SLC5A1: variants seen among roughly 807,000 people sequenced by gnomAD.
SLC5A1 encodes sodium/glucose cotransporter 1.
SLC5A1 carries 42 observed loss-of-function variants against 73.5 expected under a neutral mutation model. The ratio of observed to expected loss-of-function variants is 0.57; its 90% CI spans 0.45 to 0.74. The LOEUF (loss-of-function observed/expected upper bound fraction) is 0.74, where lower values mean the gene tolerates loss of function less well. Ranked by LOEUF, SLC5A1 falls within the 30% of genes least tolerant of loss-of-function variation. The pLI is 0.00. For synonymous variants in SLC5A1, 300 were observed against 317.4 expected (o/e 0.95, Z 0.58); for missense variants, 634 against 855.4 (o/e 0.74, Z 3.23).
intron 5 of SLC5A1, among the ~76,000 whole-genome samples, chr22:32,073,767 C>T (rs2093986468): frequency 6.6e-6 from 1 of 152,140 alleles, no homozygotes; most frequent in African/African-American, 2.4e-5. Flanking sequence ...CCATGTTGGC[C>T]AAGCTGGTCT....
At chr22:32,065,365 C>T (rs931016439) in intron 2 of SLC5A1, among the ~76,000 whole-genome samples, 11 of 152,110 alleles carry the variant, frequency 7.2e-5, no homozygotes, top group Non-Finnish European at 1.3e-4. Flanking sequence ...GAATGCTATT[C>T]CTGTGGTCTC....
chr22:32,046,537 C>A (rs1471737989), intron 1 of SLC5A1, among the ~76,000 whole-genome samples: 1 of 152,186 alleles, frequency 6.6e-6, no homozygotes, highest in African/African-American at 2.4e-5. Flanking sequence ...TGGCTCTGGG[C>A]TCAGACGCGA....
intron 2 of SLC5A1, among the ~76,000 whole-genome samples, chr22:32,058,685 C>A (rs2093955689): frequency 6.6e-6 from 1 of 152,134 alleles, no homozygotes; most frequent in Non-Finnish European, 1.5e-5. Context: ...TTGCCAACAC[C>A]AAGTATTTAA....
Position 32,084,760 on chromosome 22 carries a change from G to A in SLC5A1, c.885+101G>A, listed in dbSNP as rs1463539567. ...GCAGGGTTGGGACAGGGAGGGGAGA[G>A]CTCAGGTGGTTTGTAAGTTGCCACG... On this transcript the variant is annotated intron_variant, in intron 8 of 14. Coordinates refer to ENST00000266088, the MANE Select transcript of SLC5A1 (RefSeq NM_000343.4). The A allele has an allele frequency of 3.3e-6, 5 of 1,497,684 alleles. No homozygotes were observed. The South Asian group carries it at 3.4e-5, about 10-fold the overall frequency. The allele number at this position is 1,497,684 out of a possible 1,614,324, so 92.8% of individuals were successfully genotyped here.
At chr22:32,093,661 GCAGAGC>G (rs2094021833) in intron 11 of SLC5A1, among the ~76,000 whole-genome samples, 1 of 151,688 alleles carries the variant, frequency 6.6e-6, no homozygotes, top group African/African-American at 2.4e-5. Context: ...TGTTGATGTA[GCAGAGC>G]TACTGATTTG....
chr22:32,084,076 C>T (rs2094004180), intron 7 of SLC5A1, among the ~76,000 whole-genome samples: 1 of 152,196 alleles, frequency 6.6e-6, no homozygotes, highest in Non-Finnish European at 1.5e-5. Context: ...GCTCCAAAGG[C>T]CATGGCTGAC....
At chr22:32,085,770 T>C (rs912601567) in intron 9 of SLC5A1, among the ~76,000 whole-genome samples, 1 of 151,964 alleles carries the variant, frequency 6.6e-6, no homozygotes, top group Admixed American at 6.6e-5. Context: ...CACCAAAGGG[T>C]TCTGTGGAGA....
chr22:32,081,823 C>A, intron 5 of SLC5A1, 43 bp from the exon 6 acceptor site: 2 of 1,294,288 alleles, frequency 1.5e-6, no homozygotes, highest in Non-Finnish European at 1.1e-6. Flanking sequence ...CTGTAGGCAG[C>A]TGACCACTCT....
At chr22:32,065,012 T>C (rs972788853) in intron 2 of SLC5A1, among the ~76,000 whole-genome samples, 44 of 152,194 alleles carry the variant, frequency 2.9e-4, no homozygotes, top group African/African-American at 1.1e-3. Context: ...GGCACGATCA[T>C]AGTTCATTGA....
At chr22:32,060,014 TACACAC>T (rs58053068) in intron 2 of SLC5A1, among the ~76,000 whole-genome samples, 3,415 of 137,600 alleles carry the variant, frequency 0.025, 69 homozygotes, top group Admixed American at 0.059. Flanking sequence ...GCCATGGTTA[TACACAC>T]ACACACACAC....
chr22:32,044,194 C>T (rs755057687), intron 1 of SLC5A1, among the ~76,000 whole-genome samples: 14 of 152,036 alleles, frequency 9.2e-5, no homozygotes, highest in Non-Finnish European at 1.3e-4. Flanking sequence ...TGTGCAGGAC[C>T]GACTGTGGTG....
Position 32,111,998 on chromosome 22 carries a change from A to G in SLC5A1, c.*1785A>G, listed in dbSNP as rs2094057994. On this transcript the variant is annotated 3_prime_UTR_variant, in exon 15 of 15. Transcript: ENST00000266088. ...CCTATCAGTTTTTGGTCAGGAGAAG[A>G]TATCCACCTAGACCAACCTGAGGAG... The G allele has an allele frequency of 6.6e-6, 1 of 152,164 alleles. No homozygotes were observed. Among genetic ancestry groups the G allele is most frequent in the Non-Finnish European group, 1.5e-5 (1 of 68,044 alleles). The allele number at this position is 152,164 out of a possible 1,614,324, so 9.4% of individuals were successfully genotyped here.
At chr22:32,056,550 C>G (rs1307973310) in intron 2 of SLC5A1, among the ~76,000 whole-genome samples, 1 of 148,224 alleles carries the variant, frequency 6.7e-6, no homozygotes, top group Non-Finnish European at 1.5e-5. Flanking sequence ...TCAAGATAGG[C>G]AGACTTAACT....
intron 13 of SLC5A1, among the ~76,000 whole-genome samples, chr22:32,104,122 TCAAA>T (rs1187902315): frequency 2.6e-5 from 4 of 152,200 alleles, no homozygotes; most frequent in African/African-American, 9.7e-5. Flanking sequence ...AAACCTAACG[TCAAA>T]CAAAGACTGC....
intron 14 of SLC5A1, among the ~76,000 whole-genome samples, chr22:32,108,231 C>T (rs547149497): frequency 3.4e-4 from 52 of 152,084 alleles, no homozygotes; most frequent in African/African-American, 1.1e-3. Flanking sequence ...CTCAGCCTCC[C>T]GAGTAGCTGG....
chr22:32,061,062 T>G (rs76222062), intron 2 of SLC5A1, among the ~76,000 whole-genome samples: 6,825 of 152,286 alleles, frequency 0.045, 207 homozygotes, highest in Non-Finnish European at 0.07. Flanking sequence ...GGTCATTAAA[T>G]AGAGTAACAC....
At chr22:32,068,661 A>C in intron 5 of SLC5A1, 61 bp downstream of exon 5, 2 of 1,139,876 alleles carry the variant, frequency 1.8e-6, no homozygotes, top group Admixed American at 3.4e-5. Flanking sequence ...ATTCCTCATC[A>C]CATGCTGCCC....
chr22:32,065,434 A>G (rs530677422), intron 2 of SLC5A1, among the ~76,000 whole-genome samples: 144 of 152,234 alleles, frequency 9.5e-4, no homozygotes, highest in Non-Finnish European at 1.6e-3. Context: ...TTATAATAGT[A>G]ATTCTTTAAT....
chr22:32,064,636 G>C (rs1481436453), intron 2 of SLC5A1, among the ~76,000 whole-genome samples: 2 of 152,060 alleles, frequency 1.3e-5, no homozygotes, highest in Admixed American at 1.3e-4. Flanking sequence ...CCCAAATCTA[G>C]GAGTTACCTT....
Sources: allele counts gnomAD v4.1 joint callset (sites outside exome capture counted in the v4.1 genomes callset), GRCh38; gene constraint gnomAD v4.1.1; transcripts MANE v1.5; gene names NCBI Gene and HGNC (gene_info 2026-07-23, HGNC 2026-07-21).